GPC3: variants seen among roughly 807,000 people sequenced by gnomAD.
GPC3 encodes glypican-3.
Under a neutral mutation model 34.4 loss-of-function variants are expected in GPC3, and 3 were observed. The observed-to-expected ratio is 0.09, with a 90% confidence interval of 0.04 to 0.23. The LOEUF (loss-of-function observed/expected upper bound fraction) is 0.23, where lower values mean the gene tolerates loss of function less well. Ranked by LOEUF, GPC3 falls within the 10% of genes least tolerant of loss-of-function variation. The probability of loss-of-function intolerance (pLI) is 1.00; values close to 1 mark genes in which losing one functional copy is unlikely to be tolerated. For missense variants in GPC3, 351 were observed against 445.6 expected (o/e 0.79, Z 1.91); for synonymous variants, 177 against 174.0 (o/e 1.02, Z -0.13).
chrX:133,737,891 G>C (rs767619580), intron 3 of GPC3, among the ~76,000 whole-genome samples: 1 of 111,308 alleles, frequency 9.0e-6, no homozygotes, highest in African/African-American at 3.3e-5. Context: ...GCATGAGTGG[G>C]GCAATGATAA....
chrX:133,739,746 C>T (rs1916039492), intron 3 of GPC3, among the ~76,000 whole-genome samples: 1 of 110,118 alleles, frequency 9.1e-6, no homozygotes, highest in African/African-American at 3.3e-5. Context: ...CATGGTGGTG[C>T]ACACCTGTAG....
At chrX:133,820,504 G>C (rs980634634) in intron 2 of GPC3, among the ~76,000 whole-genome samples, 2 of 111,448 alleles carry the variant, frequency 1.8e-5, no homozygotes, top group Non-Finnish European at 3.8e-5. Context: ...TGAGTTACCA[G>C]ATGATTTTGG....
At chrX:133,587,145 T>C (rs757447423) in intron 7 of GPC3, among the ~76,000 whole-genome samples, 84 of 112,082 alleles carry the variant, frequency 7.5e-4, no homozygotes, top group Non-Finnish European at 1.2e-3. Flanking sequence ...ATCAACTTTT[T>C]TTAGTTTTCA....
intron 7 of GPC3, among the ~76,000 whole-genome samples, chrX:133,555,247 T>G (rs1257170053): frequency 2.7e-5 from 3 of 112,245 alleles, no homozygotes; most frequent in African/African-American, 9.7e-5. Flanking sequence ...GGTTCCCCCT[T>G]ACACCACTTC....
chrX:133,735,961 TAAA>T (rs57468151), intron 3 of GPC3, among the ~76,000 whole-genome samples: 1 of 96,200 alleles, frequency 1.0e-5, no homozygotes, highest in Admixed American at 1.2e-4. Flanking sequence ...AGACCCTGTT[TAAA>T]AAAAAAAAAA....
chrX:133,610,952 A>G (rs1939325084), intron 6 of GPC3, among the ~76,000 whole-genome samples: 1 of 107,508 alleles, frequency 9.3e-6, no homozygotes, highest in African/African-American at 3.4e-5. Flanking sequence ...ACAGGGGAAG[A>G]CAGAAAGTCT....
At chrX:133,553,089 C>T (rs890954087) in intron 7 of GPC3, among the ~76,000 whole-genome samples, 3 of 111,939 alleles carry the variant, frequency 2.7e-5, no homozygotes, top group Non-Finnish European at 5.6e-5. Context: ...TGGCAAGAAA[C>T]GAACACTTTA....
At chrX:133,924,687 C>T (rs1399663258) in intron 2 of GPC3, among the ~76,000 whole-genome samples, 1 of 112,149 alleles carries the variant, frequency 8.9e-6, no homozygotes, top group African/African-American at 3.2e-5. Flanking sequence ...ATTCTAATCA[C>T]ACATTGGGAC....
rs142420223 is a variant in GPC3, at chrX:133,707,146, T to C, written c.1033-7118A>G. On this transcript the variant is annotated intron_variant, in intron 3 of 7. Coordinates refer to ENST00000370818, the MANE Select transcript of GPC3 (RefSeq NM_004484.4). Reference sequence around the variant, plus strand: ...CATGTTCTCACTTATTAGTGGGAGCTAAATGTTGAATACACTAATGAACAT... The same window carrying C: ...CATGTTCTCACTTATTAGTGGGAGCCAAATGTTGAATACACTAATGAACAT... Among the ~76,000 whole-genome samples the C allele has an allele frequency of 4.3e-4, 48 of 111,488 alleles. No individual in the cohort carries two copies. In the East Asian group the frequency reaches 6.8e-3, roughly 16 times the overall value.
intron 3 of GPC3, among the ~76,000 whole-genome samples, chrX:133,728,499 A>G (rs2071433772): frequency 8.9e-6 from 1 of 112,415 alleles, no homozygotes; most frequent in Admixed American, 9.4e-5. Flanking sequence ...CTGCTGTCAC[A>G]AAGTGTTGAT....
At chrX:133,618,303 A>C (rs2070188537) in intron 6 of GPC3, among the ~76,000 whole-genome samples, 1 of 112,014 alleles carries the variant, frequency 8.9e-6, no homozygotes, top group Non-Finnish European at 1.9e-5. Context: ...ATATACTAAA[A>C]ATATAAGACA....
At chrX:133,803,425 A>T (rs1395270539) in intron 2 of GPC3, among the ~76,000 whole-genome samples, 5 of 112,293 alleles carry the variant, frequency 4.5e-5, no homozygotes, top group African/African-American at 1.6e-4. Flanking sequence ...CTGAAAAGGC[A>T]AGACTGGTTC....
chrX:133,640,078 G>GCA (rs1389836579), intron 6 of GPC3, among the ~76,000 whole-genome samples: 1 of 111,574 alleles, frequency 9.0e-6, no homozygotes, highest in Admixed American at 9.6e-5. Context: ...TTTGGGGAAG[G>GCA]CACCTTGGAA....
chrX:133,797,410 T>G (rs1286731141), intron 2 of GPC3, among the ~76,000 whole-genome samples: 3 of 111,793 alleles, frequency 2.7e-5, no homozygotes, highest in Non-Finnish European at 3.8e-5. Context: ...GAACCTGGTG[T>G]TGTGCCCACA....
At chrX:133,558,389 T>C (rs1243984405) in intron 7 of GPC3, among the ~76,000 whole-genome samples, 1 of 109,417 alleles carries the variant, frequency 9.1e-6, no homozygotes, top group Non-Finnish European at 1.9e-5. Context: ...GACAGCATCC[T>C]TCGCCTTCCA....
chrX:133,725,113 C>A (rs1201150610), intron 3 of GPC3, among the ~76,000 whole-genome samples: 2 of 111,198 alleles, frequency 1.8e-5, no homozygotes, highest in Non-Finnish European at 3.8e-5. Flanking sequence ...TTTTATGATG[C>A]CCAGAATATT....
intron 2 of GPC3, among the ~76,000 whole-genome samples, chrX:133,784,537 C>T (rs1469328455): frequency 9.0e-6 from 1 of 111,681 alleles, no homozygotes; most frequent in Non-Finnish European, 1.9e-5. Context: ...CCACTAATGG[C>T]ATCCCCCTAA....
chrX:133,846,611 C>A (rs2075847968), intron 2 of GPC3, among the ~76,000 whole-genome samples: 1 of 111,350 alleles, frequency 9.0e-6, no homozygotes, highest in Admixed American at 9.6e-5. Context: ...AGAACGATAT[C>A]CAACATGAAA....
intron 3 of GPC3, among the ~76,000 whole-genome samples, chrX:133,749,088 T>A (rs1387313672): frequency 9.1e-6 from 1 of 110,496 alleles, no homozygotes; most frequent in Non-Finnish European, 1.9e-5. Flanking sequence ...TGAAACCCCG[T>A]CTCTACAAAA....
Sources: gnomAD v4.1 joint callset for allele counts (sites outside exome capture counted in the v4.1 genomes callset) on GRCh38, gnomAD v4.1.1 for gene constraint, MANE v1.5 for transcripts, NCBI Gene and HGNC (gene_info 2026-07-23, HGNC 2026-07-21) for gene names.